The following TTC38 variants were observed in gnomAD, a reference collection of about 807,000 sequenced individuals.
TTC38 encodes tetratricopeptide repeat protein 38.
In TTC38, 64 loss-of-function variants were observed where a neutral mutation model predicts 64.2. That is an observed-to-expected ratio of 1.00 (90% CI 0.81 to 1.23). The LOEUF is 1.23. TTC38 is among the 50% of genes most tolerant of loss of function. The pLI is 0.00. For synonymous variants in TTC38, 254 were observed against 249.3 expected (o/e 1.02, Z -0.18); for missense variants, 573 against 615.5 (o/e 0.93, Z 0.73).
At position 46,275,536 on chromosome 22, in the gene TTC38, T is replaced by C; in HGVS notation, c.539+115T>C. 1 of 1,070,886 alleles carries C rather than the reference T, an allele frequency of 9.3e-7. No homozygotes were observed. The highest frequency in any genetic ancestry group is 1.3e-6 in the Non-Finnish European group (1 of 746,372). The allele number at this position is 1,070,886 out of a possible 1,614,324, so 66.3% of individuals were successfully genotyped here. A position where few individuals can be genotyped will look rare whatever the true frequency, so the allele number is the denominator to read the frequency against. ...AAAATAATGGGACCACTGTTGCTAT[T>C]CTCCTAGTTCCTTAAAGTTCAAAGG... is the stretch of plus-strand genomic sequence containing the variant. On this transcript the variant is annotated intron_variant, in intron 5 of 13. Coordinates refer to ENST00000381031, the MANE Select transcript of TTC38 (RefSeq NM_017931.4). This position sits in a 1 kb window ranked among gnomAD's most constrained non-coding sequence, Gnocchi z 4.5.
At chr22:46,278,875 C>T (rs1054538466) in intron 6 of TTC38, among the ~76,000 whole-genome samples, 10 of 152,204 alleles carry the variant, frequency 6.6e-5, no homozygotes, top group African/African-American at 2.4e-4. Context: ...CCCAGAGCCA[C>T]GTTCCTTGGC....
rs2077537970 is a variant in TTC38 at position 46,281,925 on chromosome 22, T to C, written c.735+207T>C. 7.1e-6 allele frequency: 5 copies of C among 700,922 alleles called. No individual in the cohort carries two copies. Among genetic ancestry groups the C allele is most frequent in the Non-Finnish European group, 1.3e-5 (5 of 392,582 alleles). 43.4% of individuals were successfully genotyped at this position (700,922 alleles called of 1,614,324 possible). A position where few individuals can be genotyped will look rare whatever the true frequency, so the allele number is the denominator to read the frequency against. On this transcript the variant is annotated intron_variant, in intron 7 of 13. Transcript: ENST00000381031. The surrounding 1 kb of genome is among the most constrained non-coding windows in gnomAD (Gnocchi z 5.2). ...CCCACCCCAGGCCCATACCTTGCCC[T>C]AGGGACTCCACTGAGGGTCCAGCCC...
rs1404540759 is a variant in TTC38, at chr22:46,273,734, C to T, written c.194-164C>T. ...AGTTCCCTCCATGCTTGACAAGAGC[C>T]GAGGCTGAGTTCTAGACAGTAGGCA... is the stretch of plus-strand genomic sequence containing the variant. On this transcript the variant is annotated intron_variant, in intron 3 of 13. Transcript: ENST00000381031. This position sits in a 1 kb window ranked among gnomAD's most constrained non-coding sequence, Gnocchi z 5.1. Among the ~76,000 whole-genome samples, 2 of 152,224 alleles carry T rather than the reference C, an allele frequency of 1.3e-5. No individual in the cohort carries two copies. Among genetic ancestry groups the T allele is most frequent in the Admixed American group, 6.5e-5 (1 of 15,292 alleles).
chr22:46,283,623 G>A (rs78034916), intron 7 of TTC38, among the ~76,000 whole-genome samples: 2 of 152,062 alleles, frequency 1.3e-5, no homozygotes, highest in South Asian at 2.1e-4. Context: ...AGGCTGAGGC[G>A]GGCGGATCAC....
chr22:46,286,027 A>G (rs1601881926), intron 9 of TTC38, among the ~76,000 whole-genome samples: 1 of 151,550 alleles, frequency 6.6e-6, no homozygotes, highest in Admixed American at 6.6e-5. Context: ...AAAAAAAAAA[A>G]AAAAGTGTAT....
intron 7 of TTC38, among the ~76,000 whole-genome samples, chr22:46,283,235 G>A (rs1484238384): frequency 6.6e-6 from 1 of 152,102 alleles, no homozygotes; most frequent in African/African-American, 2.4e-5. Context: ...CACTGTGCCC[G>A]GCTGATCCTT....
chr22:46,273,974 C>T lies in TTC38; in HGVS notation c.270C>T (p.Asp90=), dbSNP rs753278204. The change falls in exon 4 of 14, where the codon GAC becomes GAT. Residue 90 remains aspartate (D), a synonymous_variant. Coordinates refer to ENST00000381031, the MANE Select transcript of TTC38 (RefSeq NM_017931.4). The surrounding 1 kb of genome is among the most constrained non-coding windows in gnomAD (Gnocchi z 5.1). ...GSSVKLDKEL[D]LAVKTMVEIS... is the part of the protein sequence containing the mutation. Reference sequence around the variant, plus strand: ...CCGTGAAGCTGGACAAAGAGCTGGACCTGGCTGTGAAGACAATGGTGGAGA... The same window carrying T: ...CCGTGAAGCTGGACAAAGAGCTGGATCTGGCTGTGAAGACAATGGTGGAGA... 6.2e-7 allele frequency: 1 copy of T among 1,614,240 alleles called. No individual in the cohort carries two copies. Among genetic ancestry groups the T allele is most frequent in the South Asian group, 1.1e-5 (1 of 91,088 alleles).
chr22:46,288,238 A>G (rs567469885), intron 10 of TTC38, among the ~76,000 whole-genome samples, 185 bp from the exon 11 acceptor site: 1 of 152,286 alleles, frequency 6.6e-6, no homozygotes, highest in East Asian at 1.9e-4. Context: ...CTCTATAATT[A>G]GACAGTCCTG....
chr22:46,279,409 T>C (rs1431999066), intron 6 of TTC38, among the ~76,000 whole-genome samples: 2 of 152,228 alleles, frequency 1.3e-5, no homozygotes, highest in African/African-American at 2.4e-5. Context: ...TCCAACTCCT[T>C]GTTGCCCAGA....
chr22:46,292,696 A>G lies in TTC38; in HGVS notation c.1317-95A>G, dbSNP rs1601889911. The G allele has an allele frequency of 1.1e-5, 12 of 1,142,054 alleles. No individual in the cohort carries two copies. In the East Asian group the frequency reaches 2.9e-4, roughly 27 times the overall value. 70.7% of individuals were successfully genotyped at this position (1,142,054 alleles called of 1,614,324 possible). ...TGCTGTTCCCTCAGTGCCGCAGTCT[A>G]GCCTGCCTGTGTTCTGCCTTGGGAC... On this transcript the variant is annotated intron_variant, in intron 13 of 13. Transcript: ENST00000381031. This position sits in a 1 kb window ranked among gnomAD's most constrained non-coding sequence, Gnocchi z 6.5.
intron 13 of TTC38, 124 bp downstream of exon 13, chr22:46,290,023 G>T: frequency 1.2e-6 from 1 of 857,900 alleles, no homozygotes; most frequent in South Asian, 1.4e-5. Flanking sequence ...CTGTGAGGTC[G>T]GGAGGCTGTG....
At chr22:46,289,223 C>A (rs1185923494) in intron 11 of TTC38, among the ~76,000 whole-genome samples, 179 bp from the exon 12 acceptor site, 2 of 152,132 alleles carry the variant, frequency 1.3e-5, no homozygotes, top group Non-Finnish European at 2.9e-5. Context: ...CAACCCAGCT[C>A]TGAGCTCAGT....
Position 46,282,718 on chromosome 22 carries a change from A to C in TTC38, c.735+1000A>C, listed in dbSNP as rs6007779. ...GAGGTTTCTGAGTGCTGGGCACTCT[A>C]GCTTGTTGAGGATCACGAGTCCAGT... On this transcript the variant is annotated intron_variant, in intron 7 of 13. Transcript: ENST00000381031. This position sits in a 1 kb window ranked among gnomAD's most constrained non-coding sequence, Gnocchi z 4.4. Among the ~76,000 whole-genome samples the C allele has an allele frequency of 0.26, 38,823 of 151,956 alleles. 8,366 individuals are homozygous for C. Among genetic ancestry groups the C allele is most frequent in the African/African-American group, 0.59 (24,421 of 41,368 alleles).
Position 46,275,164 on chromosome 22 carries a change from C to G in TTC38, c.366-84C>G. ...AAACACATCCATGTAGACCATGACA[C>G]TGGTGAGAAACAATGCCTCTTACAC... is the stretch of plus-strand genomic sequence containing the variant. On this transcript the variant is annotated intron_variant, in intron 4 of 13. Coordinates refer to ENST00000381031, the MANE Select transcript of TTC38 (RefSeq NM_017931.4). The surrounding 1 kb of genome is among the most constrained non-coding windows in gnomAD (Gnocchi z 4.5). The G allele has an allele frequency of 1.5e-6, 2 of 1,321,784 alleles. No individual in the cohort carries two copies. The highest frequency in any genetic ancestry group is 2.1e-6 in the Non-Finnish European group (2 of 948,872). 81.9% of individuals were successfully genotyped at this position (1,321,784 alleles called of 1,614,324 possible). A position where few individuals can be genotyped will look rare whatever the true frequency, so the allele number is the denominator to read the frequency against.
At position 46,293,063 on chromosome 22, in the gene TTC38, C is replaced by G; in HGVS notation, c.*179C>G. On this transcript the variant is annotated 3_prime_UTR_variant, in exon 14 of 14. Coordinates refer to ENST00000381031, the MANE Select transcript of TTC38 (RefSeq NM_017931.4). The surrounding 1 kb of genome is among the most constrained non-coding windows in gnomAD (Gnocchi z 6.6). ...GTTAATTTTAAATGTGATTCCGAAT[C>G]TCCTTTCAGTCCTCGAGAAGGGCCA... 2 of 580,548 alleles carry G rather than the reference C, an allele frequency of 3.4e-6. No individual in the cohort carries two copies. Among genetic ancestry groups the G allele is most frequent in the Non-Finnish European group, 6.3e-6 (2 of 319,336 alleles). 36.0% of individuals were successfully genotyped at this position (580,548 alleles called of 1,614,324 possible). A position where few individuals can be genotyped will look rare whatever the true frequency, so the allele number is the denominator to read the frequency against.
In TTC38 at chr22:46,289,886, A is replaced by G. The variant is rs369332308; in HGVS notation, c.1303A>G (p.Lys435Glu). 3.0e-5 allele frequency: 49 copies of G among 1,613,950 alleles called. No homozygotes were observed. Among genetic ancestry groups the G allele is most frequent in the Non-Finnish European group, 4.0e-5 (47 of 1,179,984 alleles). Reference protein sequence around the residue: ...AALNCTSSVHKNVARSLLMER... With the variant: ...AALNCTSSVHENVARSLLMER... ...CTTAAACTGCACCTCCAGCGTCCATAAGAACGTAGCCCGGTGAGCTCCTGG... is the reference window on the plus strand; with the variant it reads ...CTTAAACTGCACCTCCAGCGTCCATGAGAACGTAGCCCGGTGAGCTCCTGG... Residue 435 changes from lysine to glutamate, a missense_variant, in exon 13 of 14, where the codon AAG (lysine) becomes GAG (glutamate). Lys to Glu is a moderately conservative substitution (Grantham distance 56, BLOSUM62 1). Around this residue, in one of 3 missense-constraint regions of TTC38, gnomAD observed 371 missense variants for 381.8 expected, o/e 0.97. Transcript: ENST00000381031.
Position 46,271,077 on chromosome 22 carries a change from A to G in TTC38, c.112-1258A>G, listed in dbSNP as rs967747995. ...TATCTTTCAGCTTTTGTGTCTTTCT[A>G]ACTCTCTAAAATAAATGTTTTCTGT... On this transcript the variant is annotated intron_variant, in intron 2 of 13. Coordinates refer to ENST00000381031, the MANE Select transcript of TTC38 (RefSeq NM_017931.4). The surrounding 1 kb of genome is among the most constrained non-coding windows in gnomAD (Gnocchi z 5.5). 2.0e-5 allele frequency among the ~76,000 whole-genome samples: 3 copies of G among 152,106 alleles called. No homozygotes were observed. The highest frequency in any genetic ancestry group is 3.9e-4 in the East Asian group (2 of 5,186).
chr22:46,287,070 C>T lies in TTC38; in HGVS notation c.835-3C>T. On this transcript the variant is annotated splice_polypyrimidine_tract_variant and splice_region_variant and intron_variant, in intron 9 of 13. Coordinates refer to ENST00000381031, the MANE Select transcript of TTC38 (RefSeq NM_017931.4). Reference sequence around the variant, plus strand: ...AGCCCGCCTTGGCCGCCCTGTCTTCCAGATCCTTCCCAGCCTGCAGGCCAA... The same window carrying T: ...AGCCCGCCTTGGCCGCCCTGTCTTCTAGATCCTTCCCAGCCTGCAGGCCAA... 1 of 1,596,810 alleles carries T rather than the reference C, an allele frequency of 6.3e-7. No individual in the cohort carries two copies. The highest frequency in any genetic ancestry group is 8.5e-7 in the Non-Finnish European group (1 of 1,173,346).
chr22:46,286,363 T>G (rs1046799659), intron 9 of TTC38, among the ~76,000 whole-genome samples: 1 of 151,940 alleles, frequency 6.6e-6, no homozygotes, highest in Non-Finnish European at 1.5e-5. Context: ...GAAGCTGTAG[T>G]AAGAAATGAA....
Sources: allele counts gnomAD v4.1 joint callset (sites outside exome capture counted in the v4.1 genomes callset), GRCh38; gene constraint gnomAD v4.1.1; regional missense constraint gnomAD v4.1.1; non-coding constraint Gnocchi (gnomAD v3.1); transcripts MANE v1.5; gene names NCBI Gene and HGNC (gene_info 2026-07-23, HGNC 2026-07-21).